SRRM4: variants seen among roughly 807,000 people sequenced by gnomAD.
SRRM4 encodes the protein serine/arginine repetitive matrix 4, also known as serine/arginine repetitive matrix protein 4.
In SRRM4, 33 loss-of-function variants were observed where a neutral mutation model predicts 68.9. The ratio of observed to expected loss-of-function variants is 0.48; its 90% confidence interval spans 0.36 to 0.64. SRRM4 has a LOEUF of 0.64. Ranked by LOEUF, SRRM4 falls within the 30% of genes least tolerant of loss-of-function variation. The probability of loss-of-function intolerance (pLI) is 0.00; values close to 1 mark genes in which losing one functional copy is unlikely to be tolerated. For synonymous variants in SRRM4, 318 were observed against 318.8 expected, an observed-to-expected ratio of 1.00 and a Z score of 0.03; for missense variants, 817 against 827.1, an observed-to-expected ratio of 0.99 and a Z score of 0.15.
chr12:118,986,254 C>T (rs866091231), intron 1 of SRRM4, among the ~76,000 whole-genome samples: 15 of 152,256 alleles, frequency 9.9e-5, no homozygotes, highest in African/African-American at 3.6e-4. Flanking sequence ...TGGTTAAGAG[C>T]CAATGCGCTG....
intron 1 of SRRM4, among the ~76,000 whole-genome samples, chr12:119,023,514 T>A (rs1348652893): frequency 6.6e-6 from 1 of 152,194 alleles, no homozygotes; most frequent in Non-Finnish European, 1.5e-5. Context: ...GTCACATGGC[T>A]AAGGGCTGTT....
chr12:119,023,078 T>A (rs182637573), intron 1 of SRRM4, among the ~76,000 whole-genome samples: 2 of 152,348 alleles, frequency 1.3e-5, no homozygotes, highest in African/African-American at 4.8e-5. Context: ...GTACTTTCCA[T>A]GGTTGGCTTC....
chr12:119,078,037 T>C (rs980689044), intron 1 of SRRM4, among the ~76,000 whole-genome samples: 6 of 98,862 alleles, frequency 6.1e-5, no homozygotes, highest in Non-Finnish European at 1.3e-4. Context: ...GAGGTCTTAT[T>C]CACTGGGTCT....
intron 1 of SRRM4, among the ~76,000 whole-genome samples, chr12:119,069,014 G>A (rs1953862237): frequency 6.6e-6 from 1 of 152,016 alleles, no homozygotes; most frequent in South Asian, 2.1e-4. Flanking sequence ...AGGGAATTTG[G>A]GATTCTGCAC....
At chr12:119,061,536 T>C (rs1953812410) in intron 1 of SRRM4, among the ~76,000 whole-genome samples, 2 of 152,158 alleles carry the variant, frequency 1.3e-5, no homozygotes, top group South Asian at 4.1e-4. Flanking sequence ...TGTCTCTCAC[T>C]TTTACGGAAT....
chr12:119,009,334 C>G (rs1232910462), intron 1 of SRRM4, among the ~76,000 whole-genome samples: 1 of 152,076 alleles, frequency 6.6e-6, no homozygotes, highest in Admixed American at 6.5e-5. Context: ...AGGGATGGGA[C>G]GCACAAGCCG....
intron 10 of SRRM4, among the ~76,000 whole-genome samples, chr12:119,151,800 T>C (rs997578432): frequency 2.0e-5 from 3 of 152,316 alleles, no homozygotes; most frequent in South Asian, 2.1e-4. Flanking sequence ...TTTGTTCACA[T>C]GGTGATGGCA....
chr12:119,015,145 C>T (rs773213979), intron 1 of SRRM4, among the ~76,000 whole-genome samples: 1 of 152,198 alleles, frequency 6.6e-6, no homozygotes, highest in East Asian at 1.9e-4. Context: ...AAATGGCAGC[C>T]GCAGGTAGAT....
chr12:119,071,359 G>A (rs186593409), intron 1 of SRRM4, among the ~76,000 whole-genome samples: 45 of 152,300 alleles, frequency 3.0e-4, no homozygotes, highest in Admixed American at 1.2e-3. Flanking sequence ...CTAGCTGTGC[G>A]ATCTTGGGCA....
chr12:119,147,371 C>T (rs1372570383), intron 9 of SRRM4, among the ~76,000 whole-genome samples: 1 of 152,170 alleles, frequency 6.6e-6, no homozygotes, highest in Non-Finnish European at 1.5e-5. Context: ...CTCTGTGTGA[C>T]ACTACAATGG....
intron 5 of SRRM4, among the ~76,000 whole-genome samples, chr12:119,121,186 C>A (rs950576817): frequency 6.6e-6 from 1 of 152,146 alleles, no homozygotes; most frequent in Non-Finnish European, 1.5e-5. Flanking sequence ...CTGGGCTCTC[C>A]CACTGCCTAG....
At position 119,161,970 on chromosome 12, in the gene SRRM4, A is replaced by G. The variant is rs1426210114; in HGVS notation, c.*5172A>G. On this transcript the variant is annotated 3_prime_UTR_variant, in exon 13 of 13. Coordinates refer to ENST00000267260, the MANE Select transcript of SRRM4 (RefSeq NM_194286.4). Reference sequence around the variant, plus strand: ...CCTCATCTTCTAACGAGCCAAGCCAAAAAGACTGCAATGGTATTCCTATGT... The same window carrying G: ...CCTCATCTTCTAACGAGCCAAGCCAGAAAGACTGCAATGGTATTCCTATGT... The G allele has an allele frequency of 6.6e-6, 1 of 152,170 alleles. No homozygotes were observed. The highest frequency in any genetic ancestry group is 2.4e-5 in the African/African-American group (1 of 41,442). 9.4% of individuals were successfully genotyped at this position (152,170 alleles called of 1,614,324 possible).
chr12:119,049,265 G>A (rs1482142510), intron 1 of SRRM4, among the ~76,000 whole-genome samples: 1 of 152,198 alleles, frequency 6.6e-6, no homozygotes, highest in Admixed American at 6.5e-5. Flanking sequence ...AGAGTCAAAA[G>A]AAGTGTGGAA....
intron 1 of SRRM4, among the ~76,000 whole-genome samples, chr12:119,035,407 A>G (rs1009128599): frequency 6.6e-6 from 1 of 152,200 alleles, no homozygotes; most frequent in African/African-American, 2.4e-5. Flanking sequence ...TGAACTTAGT[A>G]GGTGCATTTA....
In SRRM4 at chr12:119,156,706, C is replaced by CGGAGCCGGAGGA; in HGVS notation, c.1754_1755insGAGGAGCCGGAG (p.Arg584_Ser585insArgArgSerArg). The CGGAGCCGGAGGA allele has an allele frequency of 6.5e-7, 1 of 1,547,802 alleles. No homozygotes were observed. The highest frequency in any genetic ancestry group is 8.7e-7 in the Non-Finnish European group (1 of 1,146,502). On this transcript the variant is annotated inframe_insertion, in exon 13 of 13. Transcript: ENST00000267260. Reference sequence around the variant, plus strand: ...CAGCCCTAGTCCGGGCTCCCGCAGCCGGAGCCGGAGCAGGAGCCGGAGCCG... The same window carrying CGGAGCCGGAGGA: ...CAGCCCTAGTCCGGGCTCCCGCAGCCGGAGCCGGAGGAGGAGCCGGAGCAGGAGCCGGAGCCG...
chr12:119,013,221 G>T (rs1953460881), intron 1 of SRRM4, among the ~76,000 whole-genome samples: 1 of 152,166 alleles, frequency 6.6e-6, no homozygotes, highest in African/African-American at 2.4e-5. Flanking sequence ...GTAGCATAAA[G>T]AATGTCAACA....
intron 6 of SRRM4, among the ~76,000 whole-genome samples, chr12:119,123,530 G>A (rs1213408295): frequency 6.6e-6 from 1 of 152,060 alleles, no homozygotes; most frequent in Non-Finnish European, 1.5e-5. Context: ...AGGACTGCCT[G>A]CGTAAGGGGA....
intron 1 of SRRM4, among the ~76,000 whole-genome samples, chr12:119,070,306 G>A (rs58010471): frequency 2.0e-5 from 3 of 151,870 alleles, no homozygotes; most frequent in Non-Finnish European, 2.9e-5. Context: ...CTATTTATTG[G>A]GCCAAGCACT....
chr12:119,112,443 G>A (rs950339994), intron 2 of SRRM4, among the ~76,000 whole-genome samples: 9 of 152,158 alleles, frequency 5.9e-5, no homozygotes, highest in African/African-American at 2.2e-4. Flanking sequence ...TCCCATTACT[G>A]GGTATATACC....
Sources: allele counts gnomAD v4.1 joint callset (sites outside exome capture counted in the v4.1 genomes callset), GRCh38; gene constraint gnomAD v4.1.1; transcripts MANE v1.5; gene names NCBI Gene and HGNC (gene_info 2026-07-23, HGNC 2026-07-21).